The following COL21A1 variants were observed in gnomAD, a reference collection of about 807,000 sequenced individuals.
COL21A1 encodes collagen type XXI alpha 1 chain.
In COL21A1, 149 loss-of-function variants were observed where a neutral mutation model predicts 137.9. That is an observed-to-expected ratio of 1.08 (90% confidence interval 0.95 to 1.24). The LOEUF (loss-of-function observed/expected upper bound fraction) is 1.24. Ranked by LOEUF, COL21A1 falls within the 50% of genes most tolerant of loss-of-function variation. COL21A1 has a pLI of 0.00. For synonymous variants in COL21A1, 456 were observed against 391.5 expected (o/e 1.16, Z -1.95); for missense variants, 1,167 against 1,158.4 (o/e 1.01, Z -0.11).
At chr6:56,319,874 T>C (rs1764826055) in intron 1 of COL21A1, among the ~76,000 whole-genome samples, 1 of 152,150 alleles carries the variant, frequency 6.6e-6, no homozygotes, top group Non-Finnish European at 1.5e-5. Context: ...TACTAGTTCC[T>C]CCATTTGAAT....
intron 1 of COL21A1, among the ~76,000 whole-genome samples, chr6:56,254,986 G>A (rs1031049940): frequency 6.6e-6 from 1 of 151,850 alleles, no homozygotes; most frequent in African/African-American, 2.4e-5. Flanking sequence ...TTTTCCTCAG[G>A]TAAATGACTC....
chr6:56,124,143 A>G (rs1247674285), intron 15 of COL21A1, 28 bp from the exon 16 acceptor site: 2 of 1,533,812 alleles, frequency 1.3e-6, no homozygotes, highest in Admixed American at 2.0e-5. Context: ...ATGCTTTAAT[A>G]TATTTTTGCA....
Position 56,089,354 on chromosome 6 carries a change from T to C in COL21A1, c.1813-11781A>G, listed in dbSNP as rs772698585. ...ACTATGTATGTTCTGTAAATGTTTG[T>C]GTATGTAAGTTGTGATCAATTTTAA... is the stretch of plus-strand genomic sequence containing the variant. On this transcript the variant is annotated intron_variant, in intron 17 of 29. Transcript: ENST00000244728. 2.2e-4 allele frequency among the ~76,000 whole-genome samples: 33 copies of C among 152,238 alleles called. 1 individual carries two copies. The highest frequency in any genetic ancestry group is 4.0e-4 in the Non-Finnish European group (27 of 68,052).
intron 9 of COL21A1, among the ~76,000 whole-genome samples, chr6:56,163,397 A>G (rs4607420): frequency 0.64 from 97,181 of 152,108 alleles, 31,377 homozygotes; most frequent in East Asian, 0.86. Context: ...TGATGCCACA[A>G]GAAGCACAAC....
intron 13 of COL21A1, 146 bp from the exon 14 acceptor site, chr6:56,125,766 G>A: frequency 3.5e-6 from 2 of 573,006 alleles, no homozygotes; most frequent in Non-Finnish European, 5.7e-6. Context: ...TGCTTTAAAA[G>A]GCCCTCATTT....
At chr6:56,174,115 A>G (rs114852533) in intron 3 of COL21A1, among the ~76,000 whole-genome samples, 151 of 152,326 alleles carry the variant, frequency 9.9e-4, no homozygotes, top group African/African-American at 3.5e-3. Context: ...AATCAGAGAC[A>G]AAGTTAGAAA....
intron 1 of COL21A1, among the ~76,000 whole-genome samples, chr6:56,373,234 C>T (rs977178868): frequency 6.6e-6 from 1 of 152,194 alleles, no homozygotes; most frequent in Non-Finnish European, 1.5e-5. Context: ...AACATAGTAC[C>T]TGATGCTCTG....
intron 1 of COL21A1, among the ~76,000 whole-genome samples, chr6:56,196,700 A>G (rs1362130633): frequency 1.3e-5 from 2 of 152,114 alleles, no homozygotes; most frequent in Non-Finnish European, 2.9e-5. Flanking sequence ...AACATTGATG[A>G]AAGAAATTGA....
intron 1 of COL21A1, among the ~76,000 whole-genome samples, chr6:56,297,619 T>C (rs187477036): frequency 1.2e-3 from 181 of 152,244 alleles, no homozygotes; most frequent in Non-Finnish European, 2.2e-3. Context: ...CTGTTCTAAC[T>C]CTGATCAAAG....
intron 16 of COL21A1, among the ~76,000 whole-genome samples, chr6:56,108,364 A>T (rs529700742): frequency 6.6e-6 from 1 of 152,122 alleles, no homozygotes; most frequent in South Asian, 2.1e-4. Context: ...AAGAGACACA[A>T]CTAAAACAAA....
Position 56,134,798 on chromosome 6 carries a change from G to T in COL21A1, c.1542+6987C>A, listed in dbSNP as rs559052006. On this transcript the variant is annotated intron_variant, in intron 12 of 29. Transcript: ENST00000244728. Reference sequence around the variant, plus strand: ...CTGCACAAGCTCTTTCTCTTTGCCTGCTGCCATCCATGTAAGACATGACTT... The same window carrying T: ...CTGCACAAGCTCTTTCTCTTTGCCTTCTGCCATCCATGTAAGACATGACTT... Among the ~76,000 whole-genome samples the T allele has an allele frequency of 4.6e-5, 7 of 152,298 alleles. No homozygotes were observed. In the East Asian group the frequency reaches 9.7e-4, roughly 21 times the overall value.
intron 1 of COL21A1, among the ~76,000 whole-genome samples, chr6:56,392,555 T>A (rs1581806569): frequency 6.6e-6 from 1 of 152,094 alleles, no homozygotes; most frequent in African/African-American, 2.4e-5. Flanking sequence ...AGTCAACCTA[T>A]CCGTATTTGC....
At chr6:56,072,274 C>T (rs1262319044) in intron 20 of COL21A1, among the ~76,000 whole-genome samples, 1 of 151,526 alleles carries the variant, frequency 6.6e-6, no homozygotes, top group Non-Finnish European at 1.5e-5. Flanking sequence ...CATACGTGTG[C>T]TTGTATCTTT....
intron 1 of COL21A1, among the ~76,000 whole-genome samples, chr6:56,302,535 A>C (rs895382572): frequency 1.3e-5 from 2 of 151,922 alleles, no homozygotes; most frequent in African/African-American, 4.8e-5. Context: ...TTCTTTTGAG[A>C]AGTGTCTGTT....
chr6:56,323,758 C>T lies in COL21A1; in HGVS notation c.-39+70213G>A, dbSNP rs1764932450. On this transcript the variant is annotated intron_variant, in intron 1 of 28. Coordinates refer to the COL21A1 transcript ENST00000370819. ...AAAATAGCAGAAAATACTCAGCTTA[C>T]AGGTCAATAGTACATTGTTAGTACA... 2.0e-5 allele frequency among the ~76,000 whole-genome samples: 3 copies of T among 152,216 alleles called. No homozygotes were observed. In the Middle Eastern group the frequency reaches 0.01, roughly 518 times the overall value.
At chr6:56,368,997 A>G (rs188759538) in intron 1 of COL21A1, among the ~76,000 whole-genome samples, 4 of 152,320 alleles carry the variant, frequency 2.6e-5, no homozygotes, top group African/African-American at 7.2e-5. Context: ...ATTTTCTGCC[A>G]TCTTTGGAAA....
intron 1 of COL21A1, among the ~76,000 whole-genome samples, chr6:56,337,963 T>TTTC (rs1765371328): frequency 1.4e-5 from 1 of 73,138 alleles, no homozygotes. Context: ...TTTCTTTTCT[T>TTTC]TTTTTTTTTT....
chr6:56,381,821 C>T (rs900225082), intron 1 of COL21A1, among the ~76,000 whole-genome samples: 4 of 152,176 alleles, frequency 2.6e-5, no homozygotes, highest in Non-Finnish European at 5.9e-5. Context: ...GACAAACTGA[C>T]TCCAAATTGG....
chr6:56,148,470 T>C (rs1280237537), intron 10 of COL21A1, among the ~76,000 whole-genome samples: 1 of 152,158 alleles, frequency 6.6e-6, no homozygotes, highest in Admixed American at 6.5e-5. Flanking sequence ...TCATATACTT[T>C]GTAAGTAAGC....
Sources: allele counts gnomAD v4.1 joint callset (sites outside exome capture counted in the v4.1 genomes callset), GRCh38; gene constraint gnomAD v4.1.1; transcripts MANE v1.5; gene names NCBI Gene and HGNC (gene_info 2026-07-23, HGNC 2026-07-21).